SLF2: variants seen among roughly 807,000 people sequenced by gnomAD.
SLF2 encodes the protein SMC5/6 complex localization factor 2, also known as SMC5-SMC6 complex localization factor protein 2.
SLF2 carries 68 observed loss-of-function variants against 124.3 expected under a neutral mutation model. The observed-to-expected ratio is 0.55, with a 90% CI of 0.45 to 0.67. The LOEUF (loss-of-function observed/expected upper bound fraction) is 0.67. SLF2 is among the 30% of genes least tolerant of loss of function. SLF2 has a pLI of 0.00. For synonymous variants in SLF2, 480 were observed against 478.8 expected, an observed-to-expected ratio of 1.00 and a Z score of -0.03; for missense variants, 1,246 against 1,373.7, an observed-to-expected ratio of 0.91 and a Z score of 1.47.
Position 100,924,595 on chromosome 10 carries a change from G to A in SLF2, c.1594G>A (p.Asp532Asn), listed in dbSNP as rs569503980. 13 of 1,614,038 alleles carry A rather than the reference G, an allele frequency of 8.1e-6. No homozygotes were observed. In the Admixed American group the frequency reaches 8.3e-5, roughly 10 times the overall value. The change falls in exon 5 of 20, where the codon GAT (aspartate) becomes AAT (asparagine). Residue 532 changes from aspartate (D) to asparagine (N), a missense_variant. Physicochemically the swap from Asp to Asn is conservative, Grantham distance 23. This residue lies in a region of SLF2 where 698 missense variants were observed against 708.9 expected (regional missense o/e 0.98). Transcript: ENST00000238961. ...KEHKAKTNKA[D>N]SNVSSGKISG... ...ACACAAAGCAAAGACTAATAAGGCCGATTCTAATGTATCTTCAGGGAAAAT... is the reference window on the plus strand; with the variant it reads ...ACACAAAGCAAAGACTAATAAGGCCAATTCTAATGTATCTTCAGGGAAAAT...
At chr10:100,928,626 G>A (rs1849664028) in intron 6 of SLF2, among the ~76,000 whole-genome samples, 1 of 152,136 alleles carries the variant, frequency 6.6e-6, no homozygotes. Flanking sequence ...TCTTGGAGAG[G>A]CAGTATAAGC....
chr10:100,917,991 G>A (rs915275969), intron 3 of SLF2, among the ~76,000 whole-genome samples: 2 of 152,200 alleles, frequency 1.3e-5, no homozygotes, highest in African/African-American at 4.8e-5. Flanking sequence ...GGAGGCTAAG[G>A]TGGGAGGCTC....
intron 9 of SLF2, among the ~76,000 whole-genome samples, chr10:100,934,651 C>T (rs1161196184): frequency 6.6e-6 from 1 of 151,850 alleles, no homozygotes; most frequent in African/African-American, 2.4e-5. Context: ...CTCTCTTGGT[C>T]TCTCAGGCTG....
At chr10:100,951,704 C>T (rs1373572775) in intron 17 of SLF2, among the ~76,000 whole-genome samples, 2 of 152,230 alleles carry the variant, frequency 1.3e-5, no homozygotes, top group East Asian at 3.8e-4. Flanking sequence ...TTATTGCTGT[C>T]AGATGCATCT....
In SLF2 at chr10:100,961,996, T is replaced by TC. The variant is rs1047725451; in HGVS notation, c.*86dup. On this transcript the variant is annotated 3_prime_UTR_variant, in exon 20 of 20. Coordinates refer to ENST00000238961, the MANE Select transcript of SLF2 (RefSeq NM_018121.4). ...AGGAGTAGAAAGGATTATTACAGAA[T>TC]CCAATGAATGCCAAGAAAATGTACA... The TC allele has an allele frequency of 4.0e-6, 5 of 1,250,434 alleles. No individual in the cohort carries two copies. In the African/African-American group the frequency reaches 7.5e-5, roughly 19 times the overall value. The allele number at this position is 1,250,434 out of a possible 1,614,324, so 77.5% of individuals were successfully genotyped here.
chr10:100,932,716 T>TGC (rs1424961653), intron 9 of SLF2, among the ~76,000 whole-genome samples: 1 of 37,210 alleles, frequency 2.7e-5, no homozygotes, highest in Non-Finnish European at 6.4e-5. Flanking sequence ...TGTGTGTGTG[T>TGC]GTGTGCGCGC....
intron 5 of SLF2, 54 bp from the exon 6 acceptor site, chr10:100,925,895 C>A: frequency 1.3e-6 from 2 of 1,489,208 alleles, no homozygotes; most frequent in Non-Finnish European, 9.0e-7. Context: ...TTAAAACATC[C>A]CAGTTCTTCT....
rs766030214 is a variant in SLF2 at position 100,924,762 on chromosome 10, T to C, written c.1761T>C (p.Asn587=). Residue 587 remains asparagine, a synonymous_variant, in exon 5 of 20, where the codon AAT becomes AAC. Transcript: ENST00000238961. The part of the protein sequence containing the change: ...PSEGESSGNS[N]AGSSALKRKL... ...AAGGAGAGAGTTCAGGAAATTCCAA[T>C]GCAGGTAGCAGTGCACTGAAAAGAA... 3.1e-6 allele frequency: 5 copies of C among 1,614,152 alleles called. No homozygotes were observed. The South Asian group carries it at 5.5e-5, about 18-fold the overall frequency.
intron 9 of SLF2, among the ~76,000 whole-genome samples, chr10:100,935,095 C>T (rs531346774): frequency 1.3e-5 from 2 of 152,012 alleles, no homozygotes; most frequent in Admixed American, 1.3e-4. Flanking sequence ...AAAAAATTGT[C>T]TTGTAAAAAG....
chr10:100,958,261 G>A (rs1850368782), intron 18 of SLF2, among the ~76,000 whole-genome samples: 1 of 152,068 alleles, frequency 6.6e-6, no homozygotes, highest in African/African-American at 2.4e-5. Context: ...TTTGAACAAT[G>A]CCCATTCAGA....
chr10:100,942,250 T>C (rs1849995139), intron 11 of SLF2, among the ~76,000 whole-genome samples: 1 of 152,188 alleles, frequency 6.6e-6, no homozygotes, highest in Admixed American at 6.5e-5. Flanking sequence ...ATCACAAGTC[T>C]GGGCTTCCTT....
At chr10:100,925,354 T>C (rs949879325) in intron 5 of SLF2, among the ~76,000 whole-genome samples, 1 of 152,224 alleles carries the variant, frequency 6.6e-6, no homozygotes, top group Admixed American at 6.5e-5. Flanking sequence ...TAGAAGTTAC[T>C]ATAGACTAAG....
intron 12 of SLF2, among the ~76,000 whole-genome samples, chr10:100,944,449 C>T (rs1273985981): frequency 4.3e-5 from 6 of 138,950 alleles, no homozygotes; most frequent in Non-Finnish European, 7.5e-5. Flanking sequence ...GAGCCGGGAT[C>T]GTGCCACTGC....
chr10:100,940,690 C>G (rs571850078), intron 11 of SLF2, among the ~76,000 whole-genome samples: 13 of 151,068 alleles, frequency 8.6e-5, no homozygotes, highest in Middle Eastern at 3.4e-3. Flanking sequence ...ACCCCACTCA[C>G]TGTTCTCTTT....
intron 17 of SLF2, among the ~76,000 whole-genome samples, chr10:100,951,851 G>C (rs572135734): frequency 2.0e-5 from 3 of 152,312 alleles, no homozygotes; most frequent in Non-Finnish European, 4.4e-5. Flanking sequence ...CTAATATTCA[G>C]ATTTTCATTT....
In SLF2 at chr10:100,924,730, C is replaced by G. The variant is rs1564772543; in HGVS notation, c.1729C>G (p.Pro577Ala). The G allele has an allele frequency of 3.1e-6, 5 of 1,613,988 alleles. No homozygotes were observed. ...CCCTGCAGCACCTTCAGATAAAGCCCCTTCAGAAGGAGAGAGTTCAGGAAA... is the reference window on the plus strand; with the variant it reads ...CCCTGCAGCACCTTCAGATAAAGCCGCTTCAGAAGGAGAGAGTTCAGGAAA... ...PSPAAPSDKA[P>A]SEGESSGNSN... The change falls in exon 5 of 20, where the codon CCT (proline) becomes GCT (alanine). Residue 577 changes from proline (P) to alanine (A), a missense_variant. This residue lies in a region of SLF2 where 698 missense variants were observed against 708.9 expected (regional missense o/e 0.98). Transcript: ENST00000238961.
intron 9 of SLF2, among the ~76,000 whole-genome samples, chr10:100,936,005 T>C (rs930809900): frequency 6.6e-6 from 1 of 150,526 alleles, no homozygotes; most frequent in African/African-American, 2.4e-5. Context: ...ACTATAGGCA[T>C]GCCCCACCAC....
chr10:100,947,467 A>C (rs1311704215), intron 14 of SLF2, among the ~76,000 whole-genome samples: 2 of 151,906 alleles, frequency 1.3e-5, no homozygotes, highest in African/African-American at 4.8e-5. Context: ...TTTTTGCTTT[A>C]GTAAAAATAA....
At position 100,917,032 on chromosome 10, in the gene SLF2, T is replaced by C. The variant is rs765421964; in HGVS notation, c.647T>C (p.Leu216Pro). Reference sequence around the variant, plus strand: ...ATCTTCAATAACAGCTCCAGAAGCCTTAGCAGCAGGAGCAGCCTGTCCAGG... The same window carrying C: ...ATCTTCAATAACAGCTCCAGAAGCCCTAGCAGCAGGAGCAGCCTGTCCAGG... ...ADIFNNSSRS[L>P]SSRSSLSRHH... The change falls in exon 3 of 20, where the codon CTT becomes CCT. Residue 216 changes from leucine to proline, a missense_variant. Leu to Pro is a moderately conservative substitution (Grantham distance 98, BLOSUM62 -3). Around this residue, in one of 3 missense-constraint regions of SLF2, gnomAD observed 698 missense variants for 708.9 expected, o/e 0.98. Coordinates refer to ENST00000238961, the MANE Select transcript of SLF2 (RefSeq NM_018121.4). 1.3e-5 allele frequency: 21 copies of C among 1,614,158 alleles called. No individual in the cohort carries two copies. In the Middle Eastern group the frequency reaches 2.1e-3, roughly 165 times the overall value.
Sources: gnomAD v4.1 joint callset for allele counts (sites outside exome capture counted in the v4.1 genomes callset) on GRCh38, gnomAD v4.1.1 for gene constraint, gnomAD v4.1.1 regional missense constraint, MANE v1.5 for transcripts, NCBI Gene and HGNC (gene_info 2026-07-23, HGNC 2026-07-21) for gene names.